The following QRSL1 variants were observed in gnomAD, a reference collection of about 807,000 sequenced individuals.
QRSL1 encodes the protein glutaminyl-tRNA amidotransferase subunit QRSL1, also known as glutamyl-tRNA(Gln) amidotransferase subunit A, mitochondrial.
A neutral mutation model predicts 61.6 loss-of-function variants in QRSL1; 54 were observed. The ratio of observed to expected loss-of-function variants is 0.88; its 90% CI spans 0.70 to 1.10. The LOEUF is 1.10. Ranked by LOEUF, QRSL1 falls within the 50% of genes least tolerant of loss-of-function variation. QRSL1 has a pLI of 0.00. For missense variants in QRSL1, 505 were observed against 622.6 expected (o/e 0.81, Z 2.01); for synonymous variants, 228 against 225.7 (o/e 1.01, Z -0.09).
intron 1 of QRSL1, 133 bp downstream of exon 1, chr6:106,629,838 A>T: frequency 9.1e-7 from 1 of 1,104,690 alleles, no homozygotes. Flanking sequence ...GTGGGGGATA[A>T]GTACCTTTCG....
chr6:106,650,931 T>C (rs1310210690), intron 5 of QRSL1, among the ~76,000 whole-genome samples: 5 of 152,194 alleles, frequency 3.3e-5, no homozygotes, highest in African/African-American at 1.2e-4. Context: ...TTTCCTGAAA[T>C]GGTTTTTTAA....
At chr6:106,631,269 C>T (rs904590245) in intron 1 of QRSL1, among the ~76,000 whole-genome samples, 4 of 151,992 alleles carry the variant, frequency 2.6e-5, no homozygotes, top group African/African-American at 9.7e-5. Flanking sequence ...CAGACAACAC[C>T]CAAAACTTGT....
intron 1 of QRSL1, among the ~76,000 whole-genome samples, chr6:106,639,783 A>G (rs1035452590): frequency 6.6e-6 from 1 of 151,922 alleles, no homozygotes; most frequent in Non-Finnish European, 1.5e-5. Flanking sequence ...AGCCTTCCCA[A>G]TGTCTTCCCT....
At chr6:106,635,660 G>A (rs904909509) in intron 1 of QRSL1, among the ~76,000 whole-genome samples, 1 of 152,092 alleles carries the variant, frequency 6.6e-6, no homozygotes, top group African/African-American at 2.4e-5. Context: ...AGATCACGAG[G>A]TCAGGAGTTC....
Position 106,629,620 on chromosome 6 carries a change from G to C in QRSL1, c.-62G>C. The C allele has an allele frequency of 6.4e-7, 1 of 1,561,520 alleles. No individual in the cohort carries two copies. The highest frequency in any genetic ancestry group is 8.7e-7 in the Non-Finnish European group (1 of 1,153,464). Reference sequence around the variant, plus strand: ...GCTGCGCCCATGTAACATCACTAGCGACCGGTGACCTCTTTTTCCCCCTTG... The same window carrying C: ...GCTGCGCCCATGTAACATCACTAGCCACCGGTGACCTCTTTTTCCCCCTTG... On this transcript the variant is annotated 5_prime_UTR_variant, in exon 1 of 11. Transcript: ENST00000369046.
intron 1 of QRSL1, among the ~76,000 whole-genome samples, chr6:106,639,611 A>G (rs1040442014): frequency 6.6e-6 from 1 of 152,104 alleles, no homozygotes; most frequent in Non-Finnish European, 1.5e-5. Flanking sequence ...ATTGTTATTC[A>G]TCCCTTTTAT....
At chr6:106,658,567 A>G (rs1244372365) in intron 9 of QRSL1, among the ~76,000 whole-genome samples, 1 of 151,998 alleles carries the variant, frequency 6.6e-6, no homozygotes, top group Non-Finnish European at 1.5e-5. Context: ...AAAAAAAAAA[A>G]GTATAGGTTG....
At chr6:106,642,421 C>A in intron 3 of QRSL1, 1 of 552,122 alleles carries the variant, frequency 1.8e-6, no homozygotes, top group Non-Finnish European at 3.3e-6. Context: ...GGTAACTGGC[C>A]TTTTGGCGGG....
At chr6:106,644,870 A>G (rs1777084139) in intron 4 of QRSL1, among the ~76,000 whole-genome samples, 1 of 152,178 alleles carries the variant, frequency 6.6e-6, no homozygotes, top group Non-Finnish European at 1.5e-5. Context: ...TAGAAGTTTT[A>G]TAGTCTTAGC....
At position 106,640,251 on chromosome 6, in the gene QRSL1, G is replaced by A. The variant is rs1776996066; in HGVS notation, c.25-98G>A. On this transcript the variant is annotated intron_variant, in intron 1 of 10. Transcript: ENST00000369046. ...TTGAACCCAAGCCTCACTTTAAAAT[G>A]TTATACTTAGCCACTCCATCTCCCC... 9 of 1,083,114 alleles carry A rather than the reference G, an allele frequency of 8.3e-6. No homozygotes were observed. The Middle Eastern group carries it at 1.0e-3, about 125-fold the overall frequency. 67.1% of individuals were successfully genotyped at this position (1,083,114 alleles called of 1,614,324 possible). A position where few individuals can be genotyped will look rare whatever the true frequency, so the allele number is the denominator to read the frequency against.
Position 106,652,569 on chromosome 6 carries a change from T to C in QRSL1, c.836T>C (p.Ile279Thr). Reference sequence around the variant, plus strand: ...TTGGCAGATGTGAGCAAACTATGTATAGGAATTCCAAAGGTAACTTTTTCC... The same window carrying C: ...TTGGCAGATGTGAGCAAACTATGTACAGGAATTCCAAAGGTAACTTTTTCC... ...PSLADVSKLCIGIPKEYLVPE... is the reference protein window; with the variant it reads ...PSLADVSKLCTGIPKEYLVPE... The change falls in exon 7 of 11, where the codon ATA becomes ACA. Residue 279 changes from isoleucine (I) to threonine (T), a missense_variant. By Grantham distance (89) the Ile-to-Thr change is moderately conservative. Transcript: ENST00000369046. 1 of 1,614,198 alleles carries C rather than the reference T, an allele frequency of 6.2e-7. No individual in the cohort carries two copies. The highest frequency in any genetic ancestry group is 8.5e-7 in the Non-Finnish European group (1 of 1,180,030).
chr6:106,652,545 T>G lies in QRSL1; in HGVS notation c.812T>G (p.Leu271Trp), dbSNP rs1216424270. The G allele has an allele frequency of 6.2e-7, 1 of 1,614,250 alleles. No individual in the cohort carries two copies. Among genetic ancestry groups the G allele is most frequent in the Admixed American group, 1.7e-5 (1 of 60,026 alleles). ...PINKPFMLPS[L>W]ADVSKLCIGI... ...AATAAACCATTCATGCTTCCCAGTT[T>G]GGCAGATGTGAGCAAACTATGTATA... The change falls in exon 7 of 11, where the codon TTG (leucine) becomes TGG (tryptophan). Residue 271 changes from leucine to tryptophan, a missense_variant. Coordinates refer to ENST00000369046, the MANE Select transcript of QRSL1 (RefSeq NM_018292.5).
rs367596968 is a variant in QRSL1, at chr6:106,665,945, T to C, written c.1530T>C (p.Asp510=). 1.5e-5 allele frequency: 24 copies of C among 1,613,902 alleles called. No homozygotes were observed. The highest frequency in any genetic ancestry group is 1.9e-5 in the Non-Finnish European group (22 of 1,179,878). The change falls in exon 11 of 11, where the codon GAT becomes GAC. Residue 510 remains aspartate, a synonymous_variant. Coordinates refer to ENST00000369046, the MANE Select transcript of QRSL1 (RefSeq NM_018292.5). ...FPVIQLQELM[D]DCSAVLENEK... The stretch of plus-strand genomic sequence containing the variant: ...TTATTCAACTTCAAGAACTCATGGA[T>C]GATTGTTCAGCAGTCCTTGAAAATG...
intron 9 of QRSL1, among the ~76,000 whole-genome samples, chr6:106,661,688 T>C (rs916345258): frequency 1.5e-4 from 1 of 6,482 alleles, no homozygotes; most frequent in Non-Finnish European, 3.8e-4. Flanking sequence ...GGTTAGTTCT[T>C]TTTTTTTTTT....
intron 7 of QRSL1, 56 bp downstream of exon 7, chr6:106,652,638 C>T (rs1236175908): frequency 2.6e-5 from 42 of 1,609,612 alleles, no homozygotes; most frequent in Non-Finnish European, 3.6e-5. Flanking sequence ...ATAGAGAGCA[C>T]AGACTTGGGA....
intron 1 of QRSL1, among the ~76,000 whole-genome samples, chr6:106,631,173 C>T (rs1776822206): frequency 1.3e-5 from 2 of 152,086 alleles, no homozygotes; most frequent in African/African-American, 2.4e-5. Context: ...TTGCAGTGAG[C>T]CAAGATCACG....
chr6:106,666,128 A>G lies in QRSL1; in HGVS notation c.*126A>G, dbSNP rs1053819297. On this transcript the variant is annotated 3_prime_UTR_variant, in exon 11 of 11. Transcript: ENST00000369046. ...GAAGATCTAGAACAGCCTGGTCAAC[A>G]TGGTGAAACCCCGTCTCTACTAAAA... 2.0e-5 allele frequency: 15 copies of G among 754,780 alleles called. No individual in the cohort carries two copies. The highest frequency in any genetic ancestry group is 1.8e-5 in the Non-Finnish European group (8 of 456,300). 46.8% of individuals were successfully genotyped at this position (754,780 alleles called of 1,614,324 possible). A position where few individuals can be genotyped will look rare whatever the true frequency, so the allele number is the denominator to read the frequency against.
At position 106,639,111 on chromosome 6, in the gene QRSL1, G is replaced by GTTT. The variant is rs1562164982; in HGVS notation, c.25-1236_25-1234dup. ...ACCTAACTTGTGTGGTTATTTGTGT[G>GTTT]TTTTGTTGTTTTTTTTTTTTTTTTT... On this transcript the variant is annotated intron_variant, in intron 1 of 10. Transcript: ENST00000369046. Among the ~76,000 whole-genome samples, 64 of 60,744 alleles carry GTTT rather than the reference G, an allele frequency of 1.1e-3. 3 individuals carry two copies. Among genetic ancestry groups the GTTT allele is most frequent in the African/African-American group, 4.2e-3 (63 of 14,934 alleles). 39.9% of individuals were successfully genotyped at this position (60,744 alleles called of 152,430 possible). A position where few individuals can be genotyped will look rare whatever the true frequency, so the allele number is the denominator to read the frequency against.
At chr6:106,651,314 A>C (rs927286593) in intron 5 of QRSL1, among the ~76,000 whole-genome samples, 1 of 152,172 alleles carries the variant, frequency 6.6e-6, no homozygotes, top group African/African-American at 2.4e-5. Flanking sequence ...GCATGTATAA[A>C]TAAGTGTGCA....
Sources: gnomAD v4.1 joint callset for allele counts (sites outside exome capture counted in the v4.1 genomes callset) on GRCh38, gnomAD v4.1.1 for gene constraint, MANE v1.5 for transcripts, NCBI Gene and HGNC (gene_info 2026-07-23, HGNC 2026-07-21) for gene names.